GLG1: variants seen among roughly 807,000 people sequenced by gnomAD.
GLG1 encodes golgi glycoprotein 1.
Under a neutral mutation model 160.5 loss-of-function variants are expected in GLG1, and 38 were observed. The ratio of observed to expected loss-of-function variants is 0.24; its 90% CI spans 0.18 to 0.31. The LOEUF is 0.31. Among genes scored for constraint, GLG1 ranks in the 10% least tolerant of loss-of-function variants. The pLI, the probability that GLG1 is intolerant of heterozygous loss-of-function variation, is 1.00. For synonymous variants in GLG1, 644 were observed against 543.4 expected, an observed-to-expected ratio of 1.19 and a Z score of -2.57; for missense variants, 1,373 against 1,505.2, an observed-to-expected ratio of 0.91 and a Z score of 1.45.
At chr16:74,581,596 G>A (rs1243646969) in intron 1 of GLG1, among the ~76,000 whole-genome samples, 3 of 151,540 alleles carry the variant, frequency 2.0e-5, no homozygotes, top group Non-Finnish European at 4.4e-5. Flanking sequence ...ACTTTGGGAG[G>A]CTGAGACTAT....
At position 74,577,279 on chromosome 16, in the gene GLG1, T is replaced by C. The variant is rs555606775; in HGVS notation, c.438+29378A>G. ...GCTCCTGCCTGTAATCCCAGCACTT[T>C]GGGAGGCCACGGCGGGTGGATCACC... On this transcript the variant is annotated intron_variant, in intron 1 of 25. Coordinates refer to ENST00000422840, the MANE Select transcript of GLG1 (RefSeq NM_001145667.2). Among the ~76,000 whole-genome samples the C allele has an allele frequency of 1.8e-3, 268 of 145,138 alleles. 1 individual carries two copies. The highest frequency in any genetic ancestry group is 6.5e-3 in the African/African-American group (263 of 40,166).
intron 20 of GLG1, 163 bp downstream of exon 20, chr16:74,463,193 T>G: frequency 1.6e-6 from 1 of 644,360 alleles, no homozygotes. Context: ...TCCCTCCATT[T>G]TTCTGGATGC....
intron 1 of GLG1, among the ~76,000 whole-genome samples, chr16:74,565,478 C>T (rs1218316167): frequency 6.6e-6 from 1 of 152,182 alleles, no homozygotes; most frequent in East Asian, 1.9e-4. Flanking sequence ...GAAGAGAAAA[C>T]AAACTGCAAC....
chr16:74,558,310 A>G (rs1225274708), intron 1 of GLG1, among the ~76,000 whole-genome samples: 1 of 152,206 alleles, frequency 6.6e-6, no homozygotes, highest in East Asian at 1.9e-4. Flanking sequence ...GGAAAATGCA[A>G]GTGTTAGTAT....
At chr16:74,561,820 T>C (rs996180829) in intron 1 of GLG1, among the ~76,000 whole-genome samples, 1 of 152,182 alleles carries the variant, frequency 6.6e-6, no homozygotes, top group Non-Finnish European at 1.5e-5. Flanking sequence ...AATCTTCCAT[T>C]ATTAAAAGCT....
intron 5 of GLG1, 47 bp downstream of exon 5, chr16:74,496,394 T>C (rs1284650817): frequency 1.7e-6 from 2 of 1,206,996 alleles, no homozygotes; most frequent in Admixed American, 1.8e-5. Context: ...AAATTATATA[T>C]GTGTAAAAAT....
chr16:74,509,045 C>A, intron 2 of GLG1, 120 bp from the exon 3 acceptor site: 1 of 499,076 alleles, frequency 2.0e-6, no homozygotes. Flanking sequence ...ATATTCACAT[C>A]AGATAACAAA....
chr16:74,509,584 T>C (rs938481529), intron 2 of GLG1, among the ~76,000 whole-genome samples: 9 of 151,958 alleles, frequency 5.9e-5, no homozygotes, highest in African/African-American at 1.5e-4. Context: ...GCGCGGTGGC[T>C]GACGCCTGTA....
At chr16:74,529,944 C>G (rs1205723097) in intron 2 of GLG1, among the ~76,000 whole-genome samples, 3 of 150,904 alleles carry the variant, frequency 2.0e-5, no homozygotes, top group African/African-American at 7.3e-5. Context: ...CCTGAGTAGC[C>G]AGGATTACAG....
At chr16:74,497,460 C>T (rs1252944476) in intron 4 of GLG1, among the ~76,000 whole-genome samples, 4 of 114,462 alleles carry the variant, frequency 3.5e-5, no homozygotes, top group South Asian at 5.9e-4. Context: ...TTTTTTGAGA[C>T]GGAGTCTCGC....
At chr16:74,573,450 G>T (rs577778816) in intron 1 of GLG1, among the ~76,000 whole-genome samples, 14 of 151,930 alleles carry the variant, frequency 9.2e-5, no homozygotes, top group Admixed American at 8.5e-4. Flanking sequence ...AAACATCTGG[G>T]TATTACTATA....
chr16:74,553,457 GGTTTT>G (rs1302918021), intron 1 of GLG1, among the ~76,000 whole-genome samples: 1 of 145,102 alleles, frequency 6.9e-6, no homozygotes, highest in Non-Finnish European at 1.5e-5. Context: ...TTCTTTTTTT[GGTTTT>G]GTTTCGGTTT....
Position 74,452,490 on chromosome 16 carries a change from G to A in GLG1, c.*677C>T. Reference sequence around the variant, plus strand: ...GCGAGGAGACCACAGAAATACCCATGGCTGTGGGGCTGTGACCAGCAGTGG... The same window carrying A: ...GCGAGGAGACCACAGAAATACCCATAGCTGTGGGGCTGTGACCAGCAGTGG... On this transcript the variant is annotated 3_prime_UTR_variant, in exon 26 of 26. Coordinates refer to ENST00000422840, the MANE Select transcript of GLG1 (RefSeq NM_001145667.2). The A allele has an allele frequency of 1.9e-6, 2 of 1,041,846 alleles. No individual in the cohort carries two copies. Among genetic ancestry groups the A allele is most frequent in the Non-Finnish European group, 2.3e-6 (2 of 862,534 alleles). 64.5% of individuals were successfully genotyped at this position (1,041,846 alleles called of 1,614,324 possible). A position where few individuals can be genotyped will look rare whatever the true frequency, so the allele number is the denominator to read the frequency against.
At chr16:74,457,474 A>G (rs2014602532) in intron 24 of GLG1, among the ~76,000 whole-genome samples, 1 of 152,204 alleles carries the variant, frequency 6.6e-6, no homozygotes, top group African/African-American at 2.4e-5. Flanking sequence ...GAACTCTCAC[A>G]CTTGCCTTGG....
chr16:74,577,329 C>A (rs2019033327), intron 1 of GLG1, among the ~76,000 whole-genome samples: 2 of 151,976 alleles, frequency 1.3e-5, no homozygotes, highest in African/African-American at 4.8e-5. Flanking sequence ...CGAGATCAGG[C>A]TGGTCAACAT....
At chr16:74,498,447 A>AAGTATAT (rs1491293119) in intron 4 of GLG1, among the ~76,000 whole-genome samples, 1 of 8,226 alleles carries the variant, frequency 1.2e-4, no homozygotes, top group African/African-American at 2.1e-4. Context: ...AAAAAAAAAA[A>AAGTATAT]GTATATATAT....
At chr16:74,553,758 C>A (rs570010994) in intron 1 of GLG1, among the ~76,000 whole-genome samples, 117 of 152,256 alleles carry the variant, frequency 7.7e-4, no homozygotes, top group African/African-American at 2.7e-3. Context: ...CAGGCTTGAG[C>A]CACCGTGCCA....
At chr16:74,469,458 G>C (rs912819054) in intron 16 of GLG1, 1 of 207,398 alleles carries the variant, frequency 4.8e-6, no homozygotes, top group African/African-American at 2.3e-5. Context: ...AATTTGGTTT[G>C]TATGAGGGCA....
rs557871425 is a variant in GLG1, at chr16:74,455,604, C to T, written c.3372+1045G>A. Among the ~76,000 whole-genome samples, 15 of 152,284 alleles carry T rather than the reference C, an allele frequency of 9.9e-5. No homozygotes were observed. In the East Asian group the frequency reaches 2.9e-3, roughly 29 times the overall value. On this transcript the variant is annotated intron_variant, in intron 25 of 25. Coordinates refer to ENST00000422840, the MANE Select transcript of GLG1 (RefSeq NM_001145667.2). ...CCTTCCTGCTGTCGACCTATGAAGA[C>T]TTTCTCTGATTGTTCCTCTTGACTT... is the stretch of plus-strand genomic sequence containing the variant.
Sources: gnomAD v4.1 joint callset for allele counts (sites outside exome capture counted in the v4.1 genomes callset) on GRCh38, gnomAD v4.1.1 for gene constraint, MANE v1.5 for transcripts, NCBI Gene and HGNC (gene_info 2026-07-23, HGNC 2026-07-21) for gene names.